The following FMR1 variants were observed in gnomAD, a reference collection of about 807,000 sequenced individuals.
FMR1 encodes fragile X messenger ribonucleoprotein 1.
FMR1 carries 13 observed loss-of-function variants against 50.6 expected under a neutral mutation model. That is an observed-to-expected ratio of 0.26 (90% CI 0.17 to 0.41). FMR1 has a LOEUF of 0.41. FMR1 is among the 10% of genes least tolerant of loss of function. The pLI, the probability that FMR1 is intolerant of heterozygous loss-of-function variation, is 1.00. For synonymous variants in FMR1, 138 were observed against 164.1 expected (o/e 0.84, Z 1.22); for missense variants, 316 against 491.3 (o/e 0.64, Z 3.37).
At chrX:147,917,163 C>T (rs2042912435) in intron 1 of FMR1, among the ~76,000 whole-genome samples, 1 of 111,827 alleles carries the variant, frequency 8.9e-6, no homozygotes, top group South Asian at 3.7e-4. Flanking sequence ...CATTGGTGGT[C>T]GGGTGTACAT....
At chrX:147,928,229 G>C in intron 3 of FMR1, 93 bp from the exon 4 acceptor site, 1 of 791,789 alleles carries the variant, frequency 1.3e-6, no homozygotes, top group Non-Finnish European at 1.9e-6. Context: ...GACACCTAGG[G>C]GCATTTTAAG....
chrX:147,930,379 A>G (rs1483280776), intron 7 of FMR1, 135 bp downstream of exon 7: 7 of 526,426 alleles, frequency 1.3e-5, no homozygotes, highest in Non-Finnish European at 1.7e-5. Context: ...TAGTTGGAAA[A>G]TTGTACAAAG....
intron 9 of FMR1, chrX:147,933,785 A>C: frequency 7.2e-6 from 2 of 277,365 alleles, no homozygotes; most frequent in Non-Finnish European, 9.9e-6. Context: ...AGGACTTCTC[A>C]TACATTCTGT....
intron 7 of FMR1, 41 bp from the exon 8 acceptor site, chrX:147,932,384 A>T (rs2043639049): frequency 8.6e-7 from 1 of 1,159,696 alleles, no homozygotes; most frequent in Non-Finnish European, 1.2e-6. Context: ...TTGTCGTAAT[A>T]GTTGATAAAG....
At chrX:147,915,470 G>A (rs1557174974) in intron 1 of FMR1, among the ~76,000 whole-genome samples, 1 of 111,234 alleles carries the variant, frequency 9.0e-6, no homozygotes, top group African/African-American at 3.3e-5. Context: ...AATTATTGGG[G>A]TCAACCACAT....
intron 1 of FMR1, among the ~76,000 whole-genome samples, chrX:147,918,078 A>G (rs1397998757): frequency 9.0e-6 from 1 of 111,365 alleles, no homozygotes; most frequent in Admixed American, 9.5e-5. Context: ...TCATAGCAAA[A>G]CACAGTTTTC....
chrX:147,929,301 T>C (rs1450630482), intron 5 of FMR1, among the ~76,000 whole-genome samples: 2 of 112,032 alleles, frequency 1.8e-5, no homozygotes, highest in Non-Finnish European at 3.8e-5. Context: ...ATTTTTATTT[T>C]TTACAGATTT....
intron 1 of FMR1, among the ~76,000 whole-genome samples, chrX:147,919,022 T>C (rs1401703732): frequency 3.6e-5 from 4 of 111,701 alleles, no homozygotes; most frequent in Non-Finnish European, 7.5e-5. Flanking sequence ...AAGGTTCTAA[T>C]AGCTGATTAA....
chrX:147,927,193 A>AC (rs1314366296), intron 3 of FMR1, among the ~76,000 whole-genome samples: 1 of 111,863 alleles, frequency 8.9e-6, no homozygotes, highest in Non-Finnish European at 1.9e-5. Flanking sequence ...TGAAGGCAAG[A>AC]CCCAGGTCTT....
At chrX:147,943,375 T>C (rs375014322) in intron 14 of FMR1, 49 bp downstream of exon 14, 45 of 1,038,218 alleles carry the variant, frequency 4.3e-5, no homozygotes, top group African/African-American at 1.9e-4. Flanking sequence ...CCTAGACTTA[T>C]AGCTGCTAAT....
intron 1 of FMR1, among the ~76,000 whole-genome samples, chrX:147,918,509 A>C (rs879959161): frequency 5.9e-5 from 6 of 101,449 alleles, no homozygotes; most frequent in Non-Finnish European, 1.2e-4. Context: ...ACACTCTGAC[A>C]CTACATCCGG....
At chrX:147,921,246 T>A (rs1429744176) in intron 1 of FMR1, among the ~76,000 whole-genome samples, 5 of 76,853 alleles carry the variant, frequency 6.5e-5, no homozygotes, top group African/African-American at 2.5e-4. Context: ...AGCATGCTGA[T>A]TAAAGAATTC....
intron 12 of FMR1, 70 bp downstream of exon 12, chrX:147,938,231 G>T: frequency 1.2e-6 from 1 of 861,362 alleles, no homozygotes; most frequent in South Asian, 2.0e-5. Flanking sequence ...TGTTAACAAA[G>T]ATTACAAATG....
At chrX:147,942,890 T>G (rs2044054810) in intron 13 of FMR1, among the ~76,000 whole-genome samples, 1 of 112,265 alleles carries the variant, frequency 8.9e-6, no homozygotes, top group Non-Finnish European at 1.9e-5. Context: ...TTCAGTATAA[T>G]TTTACTGCTG....
In FMR1 at chrX:147,945,564, G is replaced by A; in HGVS notation, c.1685G>A (p.Arg562His). The A allele has an allele frequency of 5.0e-6, 6 of 1,209,570 alleles. No individual in the cohort carries two copies. The highest frequency in any genetic ancestry group is 6.7e-6 in the Non-Finnish European group (6 of 893,487). The change falls in exon 16 of 17, where the codon CGT becomes CAT. Residue 562 changes from arginine (R) to histidine (H), a missense_variant. Transcript: ENST00000370475. The stretch of plus-strand genomic sequence containing the variant: ...GACGATCACTCCCGAACAGATAATC[G>A]TCCACGTAATCCAAGAGAGGCTAAA... ...GNDDHSRTDN[R>H]PRNPREAKGR... is the part of the protein sequence containing the mutation.
At chrX:147,922,694 A>G (rs1432599084) in intron 2 of FMR1, among the ~76,000 whole-genome samples, 1 of 110,667 alleles carries the variant, frequency 9.0e-6, no homozygotes, top group Non-Finnish European at 1.9e-5. Flanking sequence ...AGATGTGGCT[A>G]TGATCTTAGG....
chrX:147,929,649 T>A (rs926081193), intron 5 of FMR1, among the ~76,000 whole-genome samples: 1 of 110,752 alleles, frequency 9.0e-6, no homozygotes, highest in African/African-American at 3.3e-5. Flanking sequence ...AGATACCCTG[T>A]AGGTAGCTAT....
intron 3 of FMR1, chrX:147,927,969 A>G (rs2043448489): frequency 6.4e-6 from 1 of 157,053 alleles, no homozygotes; most frequent in African/African-American, 3.1e-5. Context: ...AAGCAAAAAT[A>G]AGCTTATACA....
chrX:147,929,823 T>G, intron 5 of FMR1, 125 bp from the exon 6 acceptor site: 1 of 492,592 alleles, frequency 2.0e-6, no homozygotes, highest in Non-Finnish European at 3.5e-6. Context: ...TAAATGGATA[T>G]AGCATATTTT....
Sources: allele counts gnomAD v4.1 joint callset (sites outside exome capture counted in the v4.1 genomes callset), GRCh38; gene constraint gnomAD v4.1.1; transcripts MANE v1.5; gene names NCBI Gene and HGNC (gene_info 2026-07-23, HGNC 2026-07-21).